WDFY3: variants seen among roughly 807,000 people sequenced by gnomAD.
The protein encoded by WDFY3 is WD repeat and FYVE domain-containing protein 3.
In WDFY3, 66 loss-of-function variants were observed where a neutral mutation model predicts 409.6. The observed-to-expected ratio is 0.16, with a 90% confidence interval of 0.13 to 0.20. WDFY3 has a LOEUF of 0.20. WDFY3 is among the 10% of genes least tolerant of loss of function. The pLI, the probability that WDFY3 is intolerant of heterozygous loss-of-function variation, is 1.00. For synonymous variants in WDFY3, 1,521 were observed against 1,537.1 expected (o/e 0.99, Z 0.25); for missense variants, 3,031 against 4,298.1 (o/e 0.71, Z 8.24).
intron 2 of WDFY3, among the ~76,000 whole-genome samples, chr4:84,897,557 A>T (rs1765805443): frequency 1.3e-5 from 2 of 151,860 alleles, no homozygotes; most frequent in Non-Finnish European, 2.9e-5. Context: ...TAATTTTTAC[A>T]TTTAGTAGAG....
At chr4:84,716,175 C>T (rs536596633) in intron 49 of WDFY3, among the ~76,000 whole-genome samples, 2 of 152,162 alleles carry the variant, frequency 1.3e-5, no homozygotes, top group South Asian at 2.1e-4. Context: ...CGGTGGCTCA[C>T]GCCTGTAATC....
intron 54 of WDFY3, among the ~76,000 whole-genome samples, chr4:84,705,090 C>T (rs545630002): frequency 8.6e-4 from 131 of 152,154 alleles, no homozygotes; most frequent in Non-Finnish European, 1.5e-3. Flanking sequence ...GGTTCCTGGA[C>T]TAAACATGAT....
chr4:84,912,321 T>A (rs951618039), intron 2 of WDFY3, among the ~76,000 whole-genome samples: 1 of 152,182 alleles, frequency 6.6e-6, no homozygotes, highest in Non-Finnish European at 1.5e-5. Context: ...TAAGGACCAC[T>A]GTAAAAACAG....
At chr4:84,915,843 C>A (rs1233060401) in intron 2 of WDFY3, among the ~76,000 whole-genome samples, 1 of 152,118 alleles carries the variant, frequency 6.6e-6, no homozygotes, top group East Asian at 1.9e-4. Flanking sequence ...ACACACATAC[C>A]TCTGGCTCAC....
In WDFY3 at chr4:84,803,410, G is replaced by A. The variant is rs1461628472; in HGVS notation, c.2487C>T (p.Asp829=). The A allele has an allele frequency of 3.1e-6, 5 of 1,614,042 alleles. No homozygotes were observed. In the Admixed American group the frequency reaches 5.0e-5, roughly 16 times the overall value. Residue 829 remains aspartate, a synonymous_variant, in exon 16 of 68, where the codon GAC becomes GAT. Transcript: ENST00000295888. ...PPVYPPKNVA[D]LKLHVTTSSL... is the part of the protein sequence containing the mutation. ...ATGAAGTTGTCACATGTAGTTTCAG[G>A]TCGGCAACATTTTTAGGAGGGTAAA...
rs148855044 is a variant in WDFY3 at position 84,750,741 on chromosome 4, T to G, written c.5973+742A>C. 4.3e-3 allele frequency among the ~76,000 whole-genome samples: 651 copies of G among 152,298 alleles called. 4 individuals are homozygous for G. The highest frequency in any genetic ancestry group is 0.015 in the African/African-American group (609 of 41,566). On this transcript the variant is annotated intron_variant, in intron 36 of 67. Coordinates refer to ENST00000295888, the MANE Select transcript of WDFY3 (RefSeq NM_014991.6). ...TTAATGCTTTTCTGGGATAGCTAAT[T>G]TCTAGAGGCAGCAATGAGGTCACTT...
Position 84,726,845 on chromosome 4 carries a change from G to A in WDFY3, c.7272+16C>T. On this transcript the variant is annotated intron_variant, in intron 45 of 67. Coordinates refer to ENST00000295888, the MANE Select transcript of WDFY3 (RefSeq NM_014991.6). Reference sequence around the variant, plus strand: ...TACAAGTAGTTTACATTCTTTTACTGTAATTTGTGTTTTACCTTTTGAGGA... The same window carrying A: ...TACAAGTAGTTTACATTCTTTTACTATAATTTGTGTTTTACCTTTTGAGGA... 6.3e-7 allele frequency: 1 copy of A among 1,590,118 alleles called. No homozygotes were observed. Among genetic ancestry groups the A allele is most frequent in the Non-Finnish European group, 8.5e-7 (1 of 1,173,134 alleles).
intron 47 of WDFY3, among the ~76,000 whole-genome samples, chr4:84,718,945 G>C (rs1734407308): frequency 6.6e-6 from 1 of 152,194 alleles, no homozygotes; most frequent in Non-Finnish European, 1.5e-5. Context: ...ATTAGAATAG[G>C]ATTGTGTTCT....
At chr4:84,778,750 TACAC>T (rs956415022) in intron 26 of WDFY3, 95 bp from the exon 27 acceptor site, 13 of 1,239,662 alleles carry the variant, frequency 1.0e-5, no homozygotes, top group African/African-American at 4.6e-5. Context: ...AACACACACA[TACAC>T]ACACAAACAC....
chr4:84,810,371 T>A (rs1214010345), intron 13 of WDFY3, 27 bp from the exon 14 acceptor site: 6 of 1,421,844 alleles, frequency 4.2e-6, no homozygotes, highest in Non-Finnish European at 2.8e-6. Context: ...AAAAAACAAA[T>A]GAAAATACAC....
Position 84,753,865 on chromosome 4 carries a change from T to C in WDFY3, c.5571A>G (p.Ser1857=). 3 of 1,592,666 alleles carry C rather than the reference T, an allele frequency of 1.9e-6. No individual in the cohort carries two copies. Among genetic ancestry groups the C allele is most frequent in the Non-Finnish European group, 2.6e-6 (3 of 1,171,434 alleles). ...CTCGGAGCCAAGATCCCTCTTCTTCTGATTGCCAAGGCTGTTATGGGGACA... is the reference window on the plus strand; with the variant it reads ...CTCGGAGCCAAGATCCCTCTTCTTCCGATTGCCAAGGCTGTTATGGGGACA... ...LRSMLTSPWQ[S]EEEGSWLREY... Residue 1857 remains serine (S), a synonymous_variant, in exon 35 of 68, where the codon TCA becomes TCG. Coordinates refer to ENST00000295888, the MANE Select transcript of WDFY3 (RefSeq NM_014991.6).
chr4:84,676,769 CGTAAAGCTGAAAA>C (rs1726372489), intron 67 of WDFY3, among the ~76,000 whole-genome samples: 1 of 151,932 alleles, frequency 6.6e-6, no homozygotes, highest in South Asian at 2.1e-4. Flanking sequence ...CAGTATAGTA[CGTAAAGCTGAAAA>C]GTAAAGCTGA....
chr4:84,731,095 CAA>C (rs924224217), intron 44 of WDFY3, among the ~76,000 whole-genome samples: 2 of 152,040 alleles, frequency 1.3e-5, no homozygotes, highest in Admixed American at 6.6e-5. Context: ...CTGCGCCTGG[CAA>C]AAGTCTCATT....
chr4:84,801,227 A>G (rs1750504210), intron 17 of WDFY3, among the ~76,000 whole-genome samples: 1 of 152,180 alleles, frequency 6.6e-6, no homozygotes, highest in Admixed American at 6.5e-5. Flanking sequence ...ATAGTTATGT[A>G]AGGTGTAACT....
At chr4:84,783,493 C>T (rs1386583268) in intron 24 of WDFY3, among the ~76,000 whole-genome samples, 1 of 152,154 alleles carries the variant, frequency 6.6e-6, no homozygotes, top group Non-Finnish European at 1.5e-5. Flanking sequence ...TGTACAAACA[C>T]TTCCAAAGTG....
intron 8 of WDFY3, among the ~76,000 whole-genome samples, chr4:84,829,733 G>T (rs1238481684): frequency 6.6e-6 from 1 of 151,532 alleles, no homozygotes; most frequent in Non-Finnish European, 1.5e-5. Context: ...CTTGAACCCG[G>T]GAGGCAGAGA....
intron 58 of WDFY3, among the ~76,000 whole-genome samples, chr4:84,693,376 T>C (rs914364984): frequency 1.3e-5 from 2 of 152,226 alleles, no homozygotes; most frequent in African/African-American, 4.8e-5. Context: ...AGTAGCCTAA[T>C]ACCATTCTGT....
intron 3 of WDFY3, among the ~76,000 whole-genome samples, chr4:84,882,031 A>C (rs1300047560): frequency 6.6e-6 from 1 of 152,200 alleles, no homozygotes. Context: ...ATTGTTAGTA[A>C]GTAGTATGAA....
Position 84,905,629 on chromosome 4 carries a change from T to C in WDFY3, c.-131-8619A>G, listed in dbSNP as rs146366162. Among the ~76,000 whole-genome samples, 13 of 152,334 alleles carry C rather than the reference T, an allele frequency of 8.5e-5. No individual in the cohort carries two copies. The East Asian group carries it at 2.5e-3, about 29-fold the overall frequency. ...TTCTCTCCTTTGCAGACAAAGTGCT[T>C]TGGGGGCTAGAGGACAGGTAACAGA... On this transcript the variant is annotated intron_variant, in intron 2 of 67. Transcript: ENST00000295888.
Sources: allele counts gnomAD v4.1 joint callset (sites outside exome capture counted in the v4.1 genomes callset), GRCh38; gene constraint gnomAD v4.1.1; transcripts MANE v1.5; gene names NCBI Gene and HGNC (gene_info 2026-07-23, HGNC 2026-07-21).